Variants in RTTN observed in about 807,000 individuals in gnomAD.
RTTN encodes rotatin.
RTTN carries 182 observed loss-of-function variants against 269.2 expected under a neutral mutation model. The observed-to-expected ratio is 0.68, with a 90% confidence interval of 0.60 to 0.76. The LOEUF (loss-of-function observed/expected upper bound fraction) is 0.76. RTTN is among the 30% of genes least tolerant of loss of function. RTTN has a pLI of 0.00. For missense variants in RTTN, 2,545 were observed against 2,608.6 expected (o/e 0.98, Z 0.53); for synonymous variants, 1,006 against 963.5 (o/e 1.04, Z -0.82).
At chr18:70,198,746 A>T (rs1443420140) in intron 5 of RTTN, among the ~76,000 whole-genome samples, 1 of 152,216 alleles carries the variant, frequency 6.6e-6, no homozygotes, top group Non-Finnish European at 1.5e-5. Flanking sequence ...TGAAGCCCAC[A>T]TTTTGAAATA....
At chr18:70,070,037 T>C (rs1568329899) in intron 34 of RTTN, among the ~76,000 whole-genome samples, 1 of 152,198 alleles carries the variant, frequency 6.6e-6, no homozygotes, top group Non-Finnish European at 1.5e-5. Flanking sequence ...TTTCAACTAA[T>C]AGATTCATAA....
intron 34 of RTTN, among the ~76,000 whole-genome samples, chr18:70,066,691 A>C (rs532199613): frequency 6.6e-6 from 1 of 152,324 alleles, no homozygotes; most frequent in African/African-American, 2.4e-5. Flanking sequence ...CAGTACATGC[A>C]ACACAACATT....
chr18:70,127,680 C>A lies in RTTN; in HGVS notation c.3205G>T (p.Ala1069Ser). The change falls in exon 25 of 49, where the codon GCT (alanine) becomes TCT (serine). Residue 1069 changes from alanine (A) to serine (S), a missense_variant. Physicochemically the swap from Ala to Ser is moderately conservative, Grantham distance 99. Coordinates refer to ENST00000640769, the MANE Select transcript of RTTN (RefSeq NM_173630.4). ...TGGAGGCAGTCCTGCAGCCCACTAGCCATGTGTGTTATCTTCAGAGTGAGG... is the reference window on the plus strand; with the variant it reads ...TGGAGGCAGTCCTGCAGCCCACTAGACATGTGTGTTATCTTCAGAGTGAGG... Reference protein sequence around the residue: ...DILTLKITHMASGLQDCLHSI... With the variant: ...DILTLKITHMSSGLQDCLHSI... 1 of 1,613,344 alleles carries A rather than the reference C, an allele frequency of 6.2e-7. No homozygotes were observed. Among genetic ancestry groups the A allele is most frequent in the Non-Finnish European group, 8.5e-7 (1 of 1,179,654 alleles).
rs1247125808 is a variant in RTTN at position 70,109,666 on chromosome 18, C to T, written c.3735G>A (p.Leu1245=). The T allele has an allele frequency of 6.2e-7, 1 of 1,614,032 alleles. No individual in the cohort carries two copies. Among genetic ancestry groups the T allele is most frequent in the Admixed American group, 1.7e-5 (1 of 60,008 alleles). The change falls in exon 28 of 49, where the codon CTG becomes CTA. Residue 1245 remains leucine, a synonymous_variant. Coordinates refer to ENST00000640769, the MANE Select transcript of RTTN (RefSeq NM_173630.4). The stretch of plus-strand genomic sequence containing the variant: ...CATCCGTCACTTTCAGACACTGGAG[C>T]AGTTTCAGAGCCAGCTGCGTTTGAA... ...YVFQTQLALK[L]LQCLKVTDAP...
intron 31 of RTTN, among the ~76,000 whole-genome samples, chr18:70,087,172 G>T (rs746360573): frequency 6.6e-6 from 1 of 151,882 alleles, no homozygotes; most frequent in East Asian, 1.9e-4. Context: ...TGTCCAACTT[G>T]ACTAGATCCT....
rs536373076 is a variant in RTTN at position 70,060,385 on chromosome 18, C to T, written c.4748-343G>A. Among the ~76,000 whole-genome samples, 5 of 152,106 alleles carry T rather than the reference C, an allele frequency of 3.3e-5. No homozygotes were observed. In the East Asian group the frequency reaches 9.7e-4, roughly 29 times the overall value. On this transcript the variant is annotated intron_variant, in intron 35 of 48. Coordinates refer to ENST00000640769, the MANE Select transcript of RTTN (RefSeq NM_173630.4). ...GATTTACAATCCTTTTTCTGAAACT[C>T]GAGGGGCCAAAGGTGTGTCCAAATT...
intron 26 of RTTN, among the ~76,000 whole-genome samples, chr18:70,117,450 C>A (rs1348925805): frequency 6.6e-6 from 1 of 151,890 alleles, no homozygotes; most frequent in Middle Eastern, 3.2e-3. Flanking sequence ...TGATAGTGAA[C>A]ACTTAAGTTC....
At chr18:70,086,072 A>G (rs1289927519) in intron 32 of RTTN, among the ~76,000 whole-genome samples, 1 of 152,204 alleles carries the variant, frequency 6.6e-6, no homozygotes, top group Admixed American at 6.5e-5. Flanking sequence ...AAAACAAAGC[A>G]AGATACACTA....
chr18:70,053,945 C>T (rs1235979769), intron 38 of RTTN, among the ~76,000 whole-genome samples, 186 bp downstream of exon 38: 9 of 152,232 alleles, frequency 5.9e-5, no homozygotes, highest in Non-Finnish European at 1.3e-4. Flanking sequence ...CTTTATTATA[C>T]TACACACTTG....
chr18:70,033,050 G>A (rs1309722305), intron 40 of RTTN, among the ~76,000 whole-genome samples: 1 of 152,216 alleles, frequency 6.6e-6, no homozygotes, highest in Non-Finnish European at 1.5e-5. Flanking sequence ...GATCATTGGG[G>A]TAGATCCTTC....
intron 14 of RTTN, among the ~76,000 whole-genome samples, chr18:70,164,318 C>G (rs1263618738): frequency 1.3e-5 from 2 of 151,420 alleles, no homozygotes; most frequent in Non-Finnish European, 2.9e-5. Context: ...CTCAAGCAAT[C>G]CTCCTGCCTC....
intron 43 of RTTN, among the ~76,000 whole-genome samples, chr18:70,025,732 T>C (rs1004818318): frequency 6.6e-6 from 1 of 152,188 alleles, no homozygotes; most frequent in South Asian, 2.1e-4. Context: ...AAGTACAAAC[T>C]CCTTTATCTA....
At position 70,057,811 on chromosome 18, in the gene RTTN, T is replaced by C; in HGVS notation, c.4962A>G (p.Ile1654Met). ...CTCTGAGTTCCTGGACACATGTCTG[T>C]ATGAGGGTAGCATCTGCAATGCTGT... ...LLCSIADATL[I>M]QTCVQELRAL... Residue 1654 changes from isoleucine (I) to methionine (M), a missense_variant, in exon 37 of 49, where the codon ATA becomes ATG. Physicochemically the swap from Ile to Met is conservative, Grantham distance 10. Coordinates refer to ENST00000640769, the MANE Select transcript of RTTN (RefSeq NM_173630.4). 2 of 1,613,658 alleles carry C rather than the reference T, an allele frequency of 1.2e-6. No individual in the cohort carries two copies. Among genetic ancestry groups the C allele is most frequent in the South Asian group, 2.2e-5 (2 of 91,042 alleles).
chr18:70,026,651 C>T (rs1041782659), intron 43 of RTTN, among the ~76,000 whole-genome samples: 3 of 152,152 alleles, frequency 2.0e-5, no homozygotes, highest in African/African-American at 7.2e-5. Flanking sequence ...AAGGCAAGAA[C>T]GGCCTAATGC....
At chr18:70,204,057 T>C (rs1246868397) in intron 3 of RTTN, 29 bp downstream of exon 3, 2 of 1,481,788 alleles carry the variant, frequency 1.3e-6, no homozygotes, top group East Asian at 2.3e-5. Context: ...AATTAATATA[T>C]TTGTATTTAA....
intron 42 of RTTN, 116 bp downstream of exon 42, chr18:70,029,896 C>A (rs1599172237): frequency 2.9e-6 from 2 of 698,814 alleles, no homozygotes; most frequent in East Asian, 2.6e-5. Context: ...TTAATTTATC[C>A]ATCTGTACCT....
chr18:70,177,735 A>G (rs2061336255), intron 10 of RTTN, among the ~76,000 whole-genome samples: 1 of 152,230 alleles, frequency 6.6e-6, no homozygotes. Context: ...CTTCAATTCA[A>G]GGATGACTAT....
At chr18:70,205,053 A>C in intron 2 of RTTN, 75 bp downstream of exon 2, 1 of 1,450,128 alleles carries the variant, frequency 6.9e-7, no homozygotes, top group Non-Finnish European at 9.4e-7. Context: ...TTTAACTTTC[A>C]ATAAACGCTA....
intron 7 of RTTN, among the ~76,000 whole-genome samples, chr18:70,196,134 C>A (rs2061799830): frequency 6.6e-6 from 1 of 152,106 alleles, no homozygotes; most frequent in African/African-American, 2.4e-5. Flanking sequence ...ATTTTTCAAA[C>A]AAAACAATGT....
Sources: allele counts gnomAD v4.1 joint callset (sites outside exome capture counted in the v4.1 genomes callset), GRCh38; gene constraint gnomAD v4.1.1; transcripts MANE v1.5; gene names NCBI Gene and HGNC (gene_info 2026-07-23, HGNC 2026-07-21).